Variants in UBE4B observed in about 807,000 individuals in gnomAD.
UBE4B encodes the protein ubiquitin conjugation factor E4 B.
UBE4B carries 27 observed loss-of-function variants against 148.1 expected under a neutral mutation model. The ratio of observed to expected loss-of-function variants is 0.18; its 90% CI spans 0.13 to 0.25. UBE4B has a LOEUF of 0.25. Ranked by LOEUF, UBE4B falls within the 10% of genes least tolerant of loss-of-function variation. The probability of loss-of-function intolerance (pLI) is 1.00; values close to 1 mark genes in which losing one functional copy is unlikely to be tolerated. For synonymous variants in UBE4B, 596 were observed against 619.3 expected (o/e 0.96, Z 0.56); for missense variants, 1,170 against 1,662.4 (o/e 0.70, Z 5.15).
At position 10,161,295 on chromosome 1, in the gene UBE4B, G is replaced by A. The variant is rs1200681234; in HGVS notation, c.3198+9G>A. 5.0e-6 allele frequency: 8 copies of A among 1,613,716 alleles called. No individual in the cohort carries two copies. In the East Asian group the frequency reaches 6.7e-5, roughly 13 times the overall value. On this transcript the variant is annotated intron_variant, in intron 23 of 27. Coordinates refer to ENST00000343090, the MANE Select transcript of UBE4B (RefSeq NM_001105562.3). The surrounding 1 kb of genome is among the most constrained non-coding windows in gnomAD (Gnocchi z 4.1). Reference sequence around the variant, plus strand: ...GGGACCAGTTGCCCCGGGTGAGGACGTGGTCCAGAGGCTTGGACAGCTTTG... The same window carrying A: ...GGGACCAGTTGCCCCGGGTGAGGACATGGTCCAGAGGCTTGGACAGCTTTG...
At chr1:10,053,396 G>A (rs886760770) in intron 1 of UBE4B, among the ~76,000 whole-genome samples, 10 of 151,742 alleles carry the variant, frequency 6.6e-5, no homozygotes, top group African/African-American at 2.4e-4. Flanking sequence ...TGATCCACCC[G>A]CCTCAGCCTC....
At chr1:10,047,804 C>T (rs927708520) in intron 1 of UBE4B, among the ~76,000 whole-genome samples, 9 of 152,126 alleles carry the variant, frequency 5.9e-5, no homozygotes, top group African/African-American at 2.2e-4. Flanking sequence ...TATGTCATTA[C>T]TTACATCTCC....
chr1:10,051,120 C>A (rs1365453263), intron 1 of UBE4B, among the ~76,000 whole-genome samples: 1 of 152,174 alleles, frequency 6.6e-6, no homozygotes, highest in Non-Finnish European at 1.5e-5. Flanking sequence ...GATTTTCCCG[C>A]CTCAGCCTCC....
At position 10,033,570 on chromosome 1, in the gene UBE4B, C is replaced by A; in HGVS notation, c.-101C>A. The A allele has an allele frequency of 7.4e-7, 1 of 1,353,004 alleles. No individual in the cohort carries two copies. Among genetic ancestry groups the A allele is most frequent in the Non-Finnish European group, 9.7e-7 (1 of 1,025,804 alleles). The allele number at this position is 1,353,004 out of a possible 1,614,324, so 83.8% of individuals were successfully genotyped here. A position where few individuals can be genotyped will look rare whatever the true frequency, so the allele number is the denominator to read the frequency against. On this transcript the variant is annotated 5_prime_UTR_variant, in exon 1 of 28. Coordinates refer to ENST00000343090, the MANE Select transcript of UBE4B (RefSeq NM_001105562.3). ...TCTGAAACCTCCCCCATTCGGGGGA[C>A]CAGACAGCCTGATAGACACCTTCCA...
At chr1:10,125,016 C>T (rs1645469504) in intron 10 of UBE4B, among the ~76,000 whole-genome samples, 1 of 152,128 alleles carries the variant, frequency 6.6e-6, no homozygotes, top group Non-Finnish European at 1.5e-5. Context: ...GTCCCAGCTA[C>T]TTGGGAGGCT....
chr1:10,151,984 T>A (rs1314713692), intron 21 of UBE4B, among the ~76,000 whole-genome samples: 1 of 152,032 alleles, frequency 6.6e-6, no homozygotes, highest in Admixed American at 6.6e-5. Flanking sequence ...TTGGTCCGGG[T>A]GCGGTGGCTC....
chr1:10,132,881 A>C (rs1198277606), intron 15 of UBE4B, among the ~76,000 whole-genome samples: 3 of 152,224 alleles, frequency 2.0e-5, no homozygotes, highest in African/African-American at 4.8e-5. Context: ...CTTTGGTACA[A>C]GCCCAGCACG....
chr1:10,106,264 C>T lies in UBE4B; in HGVS notation c.877C>T (p.Leu293Phe). 6.2e-7 allele frequency: 1 copy of T among 1,614,140 alleles called. No homozygotes were observed. Among genetic ancestry groups the T allele is most frequent in the Non-Finnish European group, 8.5e-7 (1 of 1,179,990 alleles). Residue 293 changes from leucine to phenylalanine, a missense_variant, in exon 7 of 28, where the codon CTT (leucine) becomes TTT (phenylalanine). Around this residue, in one of 6 missense-constraint regions of UBE4B, gnomAD observed 214 missense variants for 209.1 expected, o/e 1.02. Transcript: ENST00000343090. This position sits in a 1 kb window ranked among gnomAD's most constrained non-coding sequence, Gnocchi z 4.2. ...CTCTGTTCCCGTGATGGGCCCGTCT[C>T]TTGCCTCACCTTCCCGTGCAGCCAG... ...WSSVPVMGPS[L>F]ASPSRAASQL...
At position 10,119,549 on chromosome 1, in the gene UBE4B, A is replaced by C; in HGVS notation, c.1375A>C (p.Asn459His). ...SQPAVSQLLS[N>H]IRSQCISHTA... ...GCCAGCAGTCAGCCAGCTTCTGAGC[A>C]ACATCCGCTCACAGTGCATATCCCA... Residue 459 changes from asparagine (N) to histidine (H), a missense_variant, in exon 9 of 28, where the codon AAC becomes CAC. Transcript: ENST00000343090. 6.2e-7 allele frequency: 1 copy of C among 1,613,834 alleles called. No homozygotes were observed. Among genetic ancestry groups the C allele is most frequent in the South Asian group, 1.1e-5 (1 of 91,080 alleles).
In UBE4B at chr1:10,143,585, C is replaced by G. The variant is rs530020683; in HGVS notation, c.2364-1355C>G. ...CTCAAATCCATACCCTTAATCACAT[C>G]TACAACGTCCCTTTCGCCATGGGAG... On this transcript the variant is annotated intron_variant, in intron 17 of 27. Coordinates refer to ENST00000343090, the MANE Select transcript of UBE4B (RefSeq NM_001105562.3). Among the ~76,000 whole-genome samples the G allele has an allele frequency of 2.0e-5, 3 of 152,344 alleles. No individual in the cohort carries two copies. In the East Asian group the frequency reaches 5.8e-4, roughly 29 times the overall value.
intron 15 of UBE4B, 26 bp downstream of exon 15, chr1:10,132,508 G>A (rs760106439): frequency 3.9e-5 from 63 of 1,599,884 alleles, no homozygotes; most frequent in South Asian, 2.1e-4. Context: ...ACTGCTTTTC[G>A]CTGTTTGTCA....
chr1:10,156,547 T>C (rs1011081445), intron 21 of UBE4B, among the ~76,000 whole-genome samples: 1 of 152,132 alleles, frequency 6.6e-6, no homozygotes, highest in Non-Finnish European at 1.5e-5. Context: ...TACATATTGC[T>C]ACATAATAAA....
At chr1:10,097,681 G>A (rs1342009256) in intron 3 of UBE4B, among the ~76,000 whole-genome samples, 4 of 152,024 alleles carry the variant, frequency 2.6e-5, no homozygotes, top group Non-Finnish European at 2.9e-5. Context: ...ATGGTGGCAT[G>A]TACCTGTAGT....
chr1:10,148,874 A>T (rs975011166), intron 19 of UBE4B, among the ~76,000 whole-genome samples: 1 of 151,958 alleles, frequency 6.6e-6, no homozygotes, highest in Non-Finnish European at 1.5e-5. Context: ...GGGGAGGTGG[A>T]GGTTGCAGTG....
At chr1:10,047,553 C>T (rs898210960) in intron 1 of UBE4B, among the ~76,000 whole-genome samples, 5 of 135,856 alleles carry the variant, frequency 3.7e-5, no homozygotes, top group Admixed American at 8.6e-5. Context: ...AGTGTAGTGG[C>T]GTGATCTCGG....
rs1034749490 is a variant in UBE4B, at chr1:10,180,770, G to A, written c.*814G>A. 7 of 152,270 alleles carry A rather than the reference G, an allele frequency of 4.6e-5. No homozygotes were observed. The highest frequency in any genetic ancestry group is 3.9e-4 in the Admixed American group (6 of 15,234). 9.4% of individuals were successfully genotyped at this position (152,270 alleles called of 1,614,324 possible). ...GGGGTGTAAGTGTATCAGGACTTAT[G>A]TGACTTATATTTTGGGGAGATGAGG... On this transcript the variant is annotated 3_prime_UTR_variant, in exon 28 of 28. Transcript: ENST00000343090.
At chr1:10,118,297 C>T (rs1049128619) in intron 8 of UBE4B, among the ~76,000 whole-genome samples, 1 of 152,040 alleles carries the variant, frequency 6.6e-6, no homozygotes, top group East Asian at 1.9e-4. Flanking sequence ...TGTACTTAGC[C>T]TTAGTGGAAG....
intron 18 of UBE4B, chr1:10,145,398 C>CT (rs1645853078): frequency 1.3e-5 from 2 of 156,556 alleles, no homozygotes; most frequent in African/African-American, 4.8e-5. Context: ...GAGATGGAGA[C>CT]CATCCTGGCT....
chr1:10,096,264 C>T (rs925288541), intron 3 of UBE4B, among the ~76,000 whole-genome samples: 6 of 152,200 alleles, frequency 3.9e-5, no homozygotes, highest in African/African-American at 9.6e-5. Flanking sequence ...TTGCTTCGTA[C>T]GGATCAAGGT....
Sources: allele counts gnomAD v4.1 joint callset (sites outside exome capture counted in the v4.1 genomes callset), GRCh38; gene constraint gnomAD v4.1.1; regional missense constraint gnomAD v4.1.1; non-coding constraint Gnocchi (gnomAD v3.1); transcripts MANE v1.5; gene names NCBI Gene and HGNC (gene_info 2026-07-23, HGNC 2026-07-21).